Variants in ARFGAP3 observed in about 807,000 individuals in gnomAD.
ARFGAP3 encodes the protein ARF GTPase activating protein 3.
Under a neutral mutation model 75.0 loss-of-function variants are expected in ARFGAP3, and 72 were observed. The observed-to-expected ratio is 0.96, with a 90% confidence interval of 0.79 to 1.17. The LOEUF is 1.17. ARFGAP3 is among the 50% of genes most tolerant of loss of function. The probability of loss-of-function intolerance (pLI) is 0.00; values close to 1 mark genes in which losing one functional copy is unlikely to be tolerated. For missense variants in ARFGAP3, 620 were observed against 626.6 expected (o/e 0.99, Z 0.11); for synonymous variants, 221 against 217.9 (o/e 1.01, Z -0.13).
Position 42,807,057 on chromosome 22 carries a change from G to C in ARFGAP3, c.1411+16C>G. ...GTAGACATGACAGAGACCAGCTCTT[G>C]TTCAGTGCCCCCTACCTGCTGGCTG... On this transcript the variant is annotated intron_variant, in intron 14 of 15. Coordinates refer to ENST00000263245, the MANE Select transcript of ARFGAP3 (RefSeq NM_014570.5). 1 of 1,599,220 alleles carries C rather than the reference G, an allele frequency of 6.3e-7. No individual in the cohort carries two copies. Among genetic ancestry groups the C allele is most frequent in the African/African-American group, 1.3e-5 (1 of 74,554 alleles).
At chr22:42,856,411 G>A (rs1277305313) in intron 1 of ARFGAP3, among the ~76,000 whole-genome samples, 2 of 152,068 alleles carry the variant, frequency 1.3e-5, no homozygotes, top group East Asian at 1.9e-4. Flanking sequence ...CCGACCCGAC[G>A]TGTCACCTTA....
intron 3 of ARFGAP3, among the ~76,000 whole-genome samples, chr22:42,838,153 T>A (rs1448437959): frequency 6.6e-6 from 1 of 151,900 alleles, no homozygotes; most frequent in African/African-American, 2.4e-5. Context: ...GAAAATTATC[T>A]AATTAATTGA....
At chr22:42,821,162 C>T (rs1369246208) in intron 9 of ARFGAP3, among the ~76,000 whole-genome samples, 1 of 152,178 alleles carries the variant, frequency 6.6e-6, no homozygotes, top group Non-Finnish European at 1.5e-5. Flanking sequence ...CATAGTCTTC[C>T]ATCATGTATT....
At chr22:42,829,651 T>C (rs1186277812) in intron 6 of ARFGAP3, among the ~76,000 whole-genome samples, 5 of 152,214 alleles carry the variant, frequency 3.3e-5, no homozygotes, top group Non-Finnish European at 7.3e-5. Context: ...GAATTGCAAA[T>C]ATAAGTTTAT....
intron 14 of ARFGAP3, among the ~76,000 whole-genome samples, chr22:42,803,303 A>ACTC (rs1231684431): frequency 6.6e-6 from 1 of 152,176 alleles, no homozygotes; most frequent in Non-Finnish European, 1.5e-5. Context: ...CCTGATGCAG[A>ACTC]CTGAGGGCAG....
intron 6 of ARFGAP3, among the ~76,000 whole-genome samples, chr22:42,829,320 T>C (rs895310482): frequency 3.9e-5 from 6 of 152,166 alleles, no homozygotes; most frequent in Admixed American, 3.9e-4. Flanking sequence ...GGAGTGCTCG[T>C]TGGCTGGTCT....
At chr22:42,833,687 C>T (rs1288084743) in intron 5 of ARFGAP3, among the ~76,000 whole-genome samples, 6 of 152,078 alleles carry the variant, frequency 3.9e-5, no homozygotes, top group African/African-American at 7.2e-5. Flanking sequence ...ACCCAGGAGG[C>T]GGAGATTGCA....
intron 3 of ARFGAP3, among the ~76,000 whole-genome samples, chr22:42,835,980 C>CTTTTTTTTTT (rs545758118): frequency 9.5e-5 from 10 of 105,740 alleles, no homozygotes; most frequent in Non-Finnish European, 1.9e-4. Context: ...CCATTTCTTT[C>CTTTTTTTTTT]TTTTTTTTTT....
In ARFGAP3 at chr22:42,797,551, G is replaced by C. The variant is rs369499772; in HGVS notation, c.*37C>G. On this transcript the variant is annotated 3_prime_UTR_variant, in exon 16 of 16. Transcript: ENST00000263245. ...ATGTGGTTACTTGTTCATTTAAAGAGGAATTTCTCCAGGAAATACACATCA... is the reference window on the plus strand; with the variant it reads ...ATGTGGTTACTTGTTCATTTAAAGACGAATTTCTCCAGGAAATACACATCA... 1.2e-5 allele frequency: 19 copies of C among 1,613,800 alleles called. No individual in the cohort carries two copies. Among genetic ancestry groups the C allele is most frequent in the Non-Finnish European group, 1.6e-5 (19 of 1,179,788 alleles).
chr22:42,819,105 G>T (rs749951293), intron 9 of ARFGAP3, among the ~76,000 whole-genome samples: 1 of 152,088 alleles, frequency 6.6e-6, no homozygotes, highest in African/African-American at 2.4e-5. Context: ...GAGCCACCGC[G>T]CCCGGTGCAG....
At chr22:42,803,791 AC>A (rs1924986418) in intron 14 of ARFGAP3, among the ~76,000 whole-genome samples, 1 of 151,484 alleles carries the variant, frequency 6.6e-6, no homozygotes, top group Non-Finnish European at 1.5e-5. Flanking sequence ...GGCTAGAAAC[AC>A]CCCCAGAAAG....
At position 42,817,823 on chromosome 22, in the gene ARFGAP3, C is replaced by T; in HGVS notation, c.847G>A (p.Glu283Lys). Residue 283 changes from glutamate (E) to lysine (K), a missense_variant, in exon 10 of 16, where the codon GAA becomes AAA. By Grantham distance (56) the Glu-to-Lys change is moderately conservative. Coordinates refer to ENST00000263245, the MANE Select transcript of ARFGAP3 (RefSeq NM_014570.5). ...TTTTCGTCTTTCTTCATTTGAATTT[C>T]AAGATCCTTATAGGCTAATCGTAAT... ...SSLRLAYKDL[E>K]IQMKKDEKMN... 1.2e-6 allele frequency: 2 copies of T among 1,613,128 alleles called. No homozygotes were observed. Among genetic ancestry groups the T allele is most frequent in the South Asian group, 1.1e-5 (1 of 90,990 alleles).
intron 1 of ARFGAP3, among the ~76,000 whole-genome samples, chr22:42,848,726 C>T (rs933282022): frequency 3.9e-5 from 6 of 152,160 alleles, no homozygotes; most frequent in African/African-American, 9.7e-5. Context: ...GAGCATATTG[C>T]TTCTCTCCCC....
At position 42,843,303 on chromosome 22, in the gene ARFGAP3, T is replaced by G. The variant is rs1471529063; in HGVS notation, c.189-2287A>C. 3.9e-5 allele frequency among the ~76,000 whole-genome samples: 6 copies of G among 152,228 alleles called. No homozygotes were observed. In the South Asian group the frequency reaches 6.2e-4, roughly 16 times the overall value. ...ACCCTTACTTCTCTTTATTTTCCTA[T>G]GCATACAAAAAGTCGCTACAAAGCA... On this transcript the variant is annotated intron_variant, in intron 2 of 15. Transcript: ENST00000263245.
chr22:42,798,526 A>G (rs1924707412), intron 15 of ARFGAP3, among the ~76,000 whole-genome samples: 1 of 152,062 alleles, frequency 6.6e-6, no homozygotes, highest in Admixed American at 6.5e-5. Context: ...TTTTCACTCA[A>G]TAGAATGTGG....
chr22:42,821,741 G>C (rs1221814829), intron 9 of ARFGAP3, among the ~76,000 whole-genome samples: 1 of 152,176 alleles, frequency 6.6e-6, no homozygotes, highest in Non-Finnish European at 1.5e-5. Flanking sequence ...TTTCTCTTGA[G>C]TATATACTTA....
At chr22:42,830,512 A>C (rs1290405786) in intron 6 of ARFGAP3, among the ~76,000 whole-genome samples, 1 of 152,162 alleles carries the variant, frequency 6.6e-6, no homozygotes, top group Non-Finnish European at 1.5e-5. Context: ...ATAAGCCAGC[A>C]CTTCTTAAGG....
chr22:42,830,778 T>C (rs1926249857), intron 6 of ARFGAP3, among the ~76,000 whole-genome samples: 1 of 152,224 alleles, frequency 6.6e-6, no homozygotes, highest in Non-Finnish European at 1.5e-5. Context: ...TTGTTTTTGA[T>C]GATAAAAGTA....
chr22:42,847,624 A>T lies in ARFGAP3; in HGVS notation c.78T>A (p.Phe26Leu). The T allele has an allele frequency of 6.2e-7, 1 of 1,611,374 alleles. No individual in the cohort carries two copies. Among genetic ancestry groups the T allele is most frequent in the Non-Finnish European group, 8.5e-7 (1 of 1,178,964 alleles). Residue 26 changes from phenylalanine to leucine, a missense_variant, in exon 2 of 16, where the codon TTT (phenylalanine) becomes TTA (leucine). Coordinates refer to ENST00000263245, the MANE Select transcript of ARFGAP3 (RefSeq NM_014570.5). ...LRSVPTNKVC[F>L]DCGAKNPSWA... Reference sequence around the variant, plus strand: ...AGCTGGGATTTTTGGCACCACAATCAAAACACACCTGAAAAAAAATGTTAA... The same window carrying T: ...AGCTGGGATTTTTGGCACCACAATCTAAACACACCTGAAAAAAAATGTTAA...
Sources: allele counts gnomAD v4.1 joint callset (sites outside exome capture counted in the v4.1 genomes callset), GRCh38; gene constraint gnomAD v4.1.1; transcripts MANE v1.5; gene names NCBI Gene and HGNC (gene_info 2026-07-23, HGNC 2026-07-21).